The following LY96 variants were observed in gnomAD, a reference collection of about 807,000 sequenced individuals.
LY96 encodes lymphocyte antigen 96.
LY96 carries 18 observed loss-of-function variants against 18.9 expected under a neutral mutation model. The observed-to-expected ratio is 0.95, with a 90% CI of 0.66 to 1.41. The LOEUF is 1.41. Ranked by LOEUF, LY96 falls within the 40% of genes most tolerant of loss-of-function variation. The pLI is 0.00. For missense variants in LY96, 175 were observed against 182.4 expected (o/e 0.96, Z 0.23); for synonymous variants, 66 against 62.6 (o/e 1.06, Z -0.26).
chr8:74,074,884 G>T, the LY96 span, among the ~76,000 whole-genome samples: 6 of 152,154 alleles, frequency 3.9e-5, no homozygotes, highest in Non-Finnish European at 5.9e-5. Flanking sequence ...AATGTTTTAA[G>T]ACTTGTTTTG....
At chr8:74,083,128 A>G in the LY96 span, among the ~76,000 whole-genome samples, 1 of 152,202 alleles carries the variant, frequency 6.6e-6, no homozygotes, top group Non-Finnish European at 1.5e-5. Context: ...ATATATGTAA[A>G]TATATATCTA....
At chr8:74,062,960 A>G in the LY96 span, among the ~76,000 whole-genome samples, 1 of 152,208 alleles carries the variant, frequency 6.6e-6, no homozygotes, top group Non-Finnish European at 1.5e-5. Context: ...TAGCAGCTCA[A>G]TGCAGCAAAA....
the LY96 span, among the ~76,000 whole-genome samples, chr8:74,057,056 C>T: frequency 6.6e-6 from 1 of 152,264 alleles, no homozygotes; most frequent in South Asian, 2.1e-4. Context: ...TCCTAGCTAA[C>T]AAAAATGGCA....
chr8:74,073,603 G>A, the LY96 span, among the ~76,000 whole-genome samples: 1,082 of 152,098 alleles, frequency 7.1e-3, 11 homozygotes, highest in African/African-American at 0.025. Context: ...GCTCAAGTTG[G>A]CCCTTAATTG....
At chr8:73,993,993 T>A (rs1816068457) in intron 1 of LY96, among the ~76,000 whole-genome samples, 1 of 152,192 alleles carries the variant, frequency 6.6e-6, no homozygotes, top group South Asian at 2.1e-4. Context: ...TTCTAGTTTT[T>A]TTTTTTACTT....
At chr8:74,097,592 C>A in the LY96 span, among the ~76,000 whole-genome samples, 1 of 152,012 alleles carries the variant, frequency 6.6e-6, no homozygotes, top group African/African-American at 2.4e-5. Context: ...GACTGTAGTC[C>A]CAGCTACTCA....
At chr8:74,061,785 C>T in the LY96 span, among the ~76,000 whole-genome samples, 4 of 152,242 alleles carry the variant, frequency 2.6e-5, no homozygotes, top group Admixed American at 2.6e-4. Context: ...AAAATGGTTG[C>T]CCCAATTTAT....
At chr8:74,091,577 C>T in the LY96 span, among the ~76,000 whole-genome samples, 1 of 152,134 alleles carries the variant, frequency 6.6e-6, no homozygotes, top group African/African-American at 2.4e-5. Context: ...ATATGGCTCT[C>T]CTGAAATGGA....
chr8:74,035,386 G>A, the LY96 span, among the ~76,000 whole-genome samples: 22 of 152,216 alleles, frequency 1.4e-4, no homozygotes, highest in South Asian at 1.0e-3. Context: ...CAGCCACGCC[G>A]CCCTGGCAAT....
chr8:74,036,409 C>A, the LY96 span, among the ~76,000 whole-genome samples: 4 of 152,154 alleles, frequency 2.6e-5, no homozygotes, highest in Non-Finnish European at 5.9e-5. Flanking sequence ...CCAGAGATCA[C>A]AAGGTTTGTG....
chr8:74,016,319 G>A (rs901737421), intron 3 of LY96, among the ~76,000 whole-genome samples: 6 of 152,222 alleles, frequency 3.9e-5, no homozygotes, highest in East Asian at 1.9e-4. Flanking sequence ...AGGGGCGTCC[G>A]CCATTGCTGA....
At chr8:74,080,957 T>C in the LY96 span, among the ~76,000 whole-genome samples, 1 of 152,274 alleles carries the variant, frequency 6.6e-6, no homozygotes, top group Non-Finnish European at 1.5e-5. Context: ...TTTTGGACTG[T>C]CTTGTGCCTT....
intron 2 of LY96, among the ~76,000 whole-genome samples, chr8:74,005,120 G>C (rs573607503): frequency 2.0e-5 from 3 of 152,286 alleles, no homozygotes; most frequent in East Asian, 3.9e-4. Flanking sequence ...TACAATCAAG[G>C]TGTTTGCCAG....
the LY96 span, among the ~76,000 whole-genome samples, chr8:74,059,962 A>G: frequency 6.6e-6 from 1 of 152,186 alleles, no homozygotes; most frequent in Admixed American, 6.5e-5. Flanking sequence ...AACGTGGTGA[A>G]ACCTTGTCTC....
the LY96 span, among the ~76,000 whole-genome samples, chr8:74,093,237 A>G: frequency 6.6e-6 from 1 of 152,312 alleles, no homozygotes; most frequent in East Asian, 1.9e-4. Context: ...GGCAAAATGA[A>G]TCACACTGCC....
downstream of LY96, among the ~76,000 whole-genome samples, chr8:74,031,741 C>A (rs1362011611): frequency 6.6e-6 from 1 of 151,530 alleles, no homozygotes; most frequent in East Asian, 1.9e-4. Flanking sequence ...AAGAGAAAAA[C>A]TAAGCCCAGG....
At chr8:74,070,098 C>CTT in the LY96 span, among the ~76,000 whole-genome samples, 11,776 of 145,750 alleles carry the variant, frequency 0.081, 793 homozygotes, top group African/African-American at 0.19. Context: ...AATTTTCTTT[C>CTT]TTTTTTTTTT....
the LY96 span, among the ~76,000 whole-genome samples, chr8:74,067,409 A>G: frequency 1.3e-5 from 2 of 151,964 alleles, no homozygotes; most frequent in Admixed American, 1.3e-4. Flanking sequence ...ATTTTTTGTA[A>G]AGATGGGGTC....
chr8:74,045,259 A>T, the LY96 span, among the ~76,000 whole-genome samples: 2 of 152,252 alleles, frequency 1.3e-5, no homozygotes, highest in Non-Finnish European at 2.9e-5. Flanking sequence ...TCAATGGGAA[A>T]AAGCTGTTTC....
Sources: gnomAD v4.1 joint callset for allele counts (sites outside exome capture counted in the v4.1 genomes callset) on GRCh38, gnomAD v4.1.1 for gene constraint, MANE v1.5 for transcripts, NCBI Gene and HGNC (gene_info 2026-07-23, HGNC 2026-07-21) for gene names.